Variants in KCNAB1 observed in about 807,000 individuals in gnomAD.
The protein encoded by KCNAB1 is potassium voltage-gated channel subfamily A regulatory beta subunit 1.
Under a neutral mutation model 64.6 loss-of-function variants are expected in KCNAB1, and 35 were observed. The observed-to-expected ratio is 0.54, with a 90% CI of 0.41 to 0.72. The LOEUF (loss-of-function observed/expected upper bound fraction) is 0.72. Among genes scored for constraint, KCNAB1 ranks in the 30% least tolerant of loss-of-function variants. The pLI, the probability that KCNAB1 is intolerant of heterozygous loss-of-function variation, is 0.00. For missense variants in KCNAB1, 401 were observed against 512.9 expected (o/e 0.78, Z 2.11); for synonymous variants, 177 against 183.8 (o/e 0.96, Z 0.30).
At chr3:156,514,329 A>G in intron 8 of KCNAB1, 35 bp from the exon 9 acceptor site, 1 of 1,546,328 alleles carries the variant, frequency 6.5e-7, no homozygotes, top group Non-Finnish European at 8.9e-7. Context: ...AAAGTAGACA[A>G]ATTCATGAAA....
At chr3:156,176,097 G>A (rs1298592380) in intron 1 of KCNAB1, 16 of 767,444 alleles carry the variant, frequency 2.1e-5, no homozygotes, top group Non-Finnish European at 3.4e-5. Context: ...CTTGAACTAT[G>A]TTTACACACC....
intron 7 of KCNAB1, among the ~76,000 whole-genome samples, chr3:156,471,541 A>G (rs986887490): frequency 5.9e-5 from 9 of 152,346 alleles, no homozygotes; most frequent in African/African-American, 2.2e-4. Flanking sequence ...GCTAAGGTCA[A>G]ATAGCCTCCA....
intron 1 of KCNAB1, among the ~76,000 whole-genome samples, chr3:156,156,100 T>C (rs530516382): frequency 6.6e-6 from 1 of 152,104 alleles, no homozygotes; most frequent in Non-Finnish European, 1.5e-5. Context: ...GGCCCAAGAC[T>C]CCCACCATAA....
chr3:156,363,700 A>G (rs1012433560), intron 1 of KCNAB1, among the ~76,000 whole-genome samples: 3 of 151,648 alleles, frequency 2.0e-5, no homozygotes, highest in Admixed American at 1.3e-4. Context: ...GTGGTCTTAA[A>G]CTCCTGACCT....
intron 1 of KCNAB1, among the ~76,000 whole-genome samples, chr3:156,338,483 G>T (rs928379473): frequency 6.6e-6 from 1 of 151,634 alleles, no homozygotes; most frequent in Non-Finnish European, 1.5e-5. Flanking sequence ...GCAAATTTTT[G>T]TATTGTTTAG....
rs200102026 is a variant in KCNAB1 at position 156,368,346 on chromosome 3, AC to A, written c.276-53268del. On this transcript the variant is annotated intron_variant, in intron 1 of 13. Coordinates refer to ENST00000490337, the MANE Select transcript of KCNAB1 (RefSeq NM_172160.3). ...ACGAATGCATCTGTGCATAAAGCTC[AC>A]CTGGTGATCCGTTCAAAGGGGATGA... is the stretch of plus-strand genomic sequence containing the variant. Among the ~76,000 whole-genome samples, 946 of 152,268 alleles carry A rather than the reference AC, an allele frequency of 6.2e-3. 14 individuals carry two copies. Among genetic ancestry groups the A allele is most frequent in the African/African-American group, 0.022 (922 of 41,558 alleles).
At chr3:156,372,056 G>T (rs879691907) in intron 1 of KCNAB1, among the ~76,000 whole-genome samples, 1 of 152,082 alleles carries the variant, frequency 6.6e-6, no homozygotes, top group Non-Finnish European at 1.5e-5. Context: ...TTAATTACTT[G>T]CAGCGTCTCT....
At chr3:156,161,351 CAT>C (rs780216715) in intron 1 of KCNAB1, among the ~76,000 whole-genome samples, 3 of 152,302 alleles carry the variant, frequency 2.0e-5, no homozygotes, top group African/African-American at 7.2e-5. Flanking sequence ...ATCTTTACCA[CAT>C]GTTTATTTTT....
intron 1 of KCNAB1, among the ~76,000 whole-genome samples, chr3:156,357,159 G>GCACACACACACACACACACACA (rs112441885): frequency 2.0e-5 from 3 of 147,314 alleles, no homozygotes; most frequent in African/African-American, 7.4e-5. Context: ...ACATGTGCGC[G>GCACACACACACACACACACACA]CACACACACA....
chr3:156,241,541 T>A (rs1404944142), intron 1 of KCNAB1, among the ~76,000 whole-genome samples: 1 of 152,138 alleles, frequency 6.6e-6, no homozygotes, highest in African/African-American at 2.4e-5. Context: ...CTTTCTTGGT[T>A]GACTTCTGGT....
At chr3:156,330,834 A>G (rs998399609) in intron 1 of KCNAB1, among the ~76,000 whole-genome samples, 5 of 152,176 alleles carry the variant, frequency 3.3e-5, no homozygotes, top group African/African-American at 4.8e-5. Flanking sequence ...GGCACGCTGC[A>G]TGGCTTCTCA....
rs373239351 is a variant in KCNAB1 at position 156,516,210 on chromosome 3, C to T, written c.866-60C>T. 5.3e-5 allele frequency: 65 copies of T among 1,226,784 alleles called. No individual in the cohort carries two copies. In the East Asian group the frequency reaches 6.5e-4, roughly 12 times the overall value. The allele number at this position is 1,226,784 out of a possible 1,614,324, so 76.0% of individuals were successfully genotyped here. A position where few individuals can be genotyped will look rare whatever the true frequency, so the allele number is the denominator to read the frequency against. ...TCTGTTTAAACACTACTGCCCCCAC[C>T]GCCACCCACCTTTTGATCCCAATTT... is the stretch of plus-strand genomic sequence containing the variant. On this transcript the variant is annotated intron_variant, in intron 10 of 13. Transcript: ENST00000490337.
chr3:156,525,604 C>A (rs1438444687), intron 12 of KCNAB1, among the ~76,000 whole-genome samples: 1 of 152,200 alleles, frequency 6.6e-6, no homozygotes, highest in Non-Finnish European at 1.5e-5. Flanking sequence ...CAACCTCCGT[C>A]TCCCAGGTTC....
At chr3:156,521,625 G>C (rs980450556) in intron 11 of KCNAB1, among the ~76,000 whole-genome samples, 3 of 152,144 alleles carry the variant, frequency 2.0e-5, no homozygotes, top group African/African-American at 4.8e-5. Flanking sequence ...ATAGATTACT[G>C]TCCAGTCAGC....
At chr3:156,428,589 T>TC (rs1245260045) in intron 2 of KCNAB1, among the ~76,000 whole-genome samples, 1 of 151,896 alleles carries the variant, frequency 6.6e-6, no homozygotes, top group Non-Finnish European at 1.5e-5. Context: ...TTGATTTTTT[T>TC]TTCAAAACAT....
chr3:156,355,266 C>T (rs1460692014), intron 1 of KCNAB1, among the ~76,000 whole-genome samples: 1 of 152,196 alleles, frequency 6.6e-6, no homozygotes, highest in East Asian at 1.9e-4. Flanking sequence ...TGATACTTCA[C>T]CAAAGAATCC....
intron 12 of KCNAB1, among the ~76,000 whole-genome samples, chr3:156,528,916 T>C (rs1037497854): frequency 5.9e-5 from 9 of 152,052 alleles, no homozygotes; most frequent in African/African-American, 2.2e-4. Context: ...AGTGATATGA[T>C]CAGATTTGTG....
At chr3:156,172,531 C>T (rs1203338734) in intron 1 of KCNAB1, among the ~76,000 whole-genome samples, 1 of 152,166 alleles carries the variant, frequency 6.6e-6, no homozygotes, top group Non-Finnish European at 1.5e-5. Context: ...CCACCCTCCT[C>T]GGCCTTCCAA....
At chr3:156,413,287 T>C (rs1317224083) in intron 1 of KCNAB1, among the ~76,000 whole-genome samples, 1 of 152,202 alleles carries the variant, frequency 6.6e-6, no homozygotes, top group Non-Finnish European at 1.5e-5. Context: ...CCACAATGTT[T>C]ACGATGTTCC....
Sources: gnomAD v4.1 joint callset for allele counts (sites outside exome capture counted in the v4.1 genomes callset) on GRCh38, gnomAD v4.1.1 for gene constraint, MANE v1.5 for transcripts, NCBI Gene and HGNC (gene_info 2026-07-23, HGNC 2026-07-21) for gene names.